The following TBC1D8B variants were observed in gnomAD, a reference collection of about 807,000 sequenced individuals.
TBC1D8B encodes the protein RP11-321G1.1.
A neutral mutation model predicts 82.9 loss-of-function variants in TBC1D8B; 75 were observed. The observed-to-expected ratio is 0.90, with a 90% CI of 0.75 to 1.10. TBC1D8B has a LOEUF of 1.10. Ranked by LOEUF, TBC1D8B falls within the 50% of genes least tolerant of loss-of-function variation. The probability of loss-of-function intolerance (pLI) is 0.00; values close to 1 mark genes in which losing one functional copy is unlikely to be tolerated. For synonymous variants in TBC1D8B, 276 were observed against 276.8 expected, an observed-to-expected ratio of 1.00 and a Z score of 0.03; for missense variants, 794 against 796.9, an observed-to-expected ratio of 1.00 and a Z score of 0.04.
chrX:106,830,016 A>G (rs1023646184), intron 7 of TBC1D8B: 1 of 111,665 alleles, frequency 9.0e-6, no homozygotes, highest in Non-Finnish European at 1.9e-5. Context: ...CAACCTACAA[A>G]ATGGGAGAAA....
chrX:106,822,572 G>C (rs1375553951), intron 4 of TBC1D8B, among the ~76,000 whole-genome samples: 3 of 111,108 alleles, frequency 2.7e-5, no homozygotes, highest in Non-Finnish European at 5.7e-5. Flanking sequence ...ATCTCACTTT[G>C]TAGCTACAAA....
At chrX:106,843,339 CTTTAT>C (rs1385750317) in intron 10 of TBC1D8B, among the ~76,000 whole-genome samples, 1 of 111,541 alleles carries the variant, frequency 9.0e-6, no homozygotes, top group Non-Finnish European at 1.9e-5. Context: ...TTTTCTTTGT[CTTTAT>C]TTTATTTTAT....
chrX:106,869,406 G>C, intron 18 of TBC1D8B, 79 bp from the exon 19 acceptor site: 1 of 869,624 alleles, frequency 1.1e-6, no homozygotes, highest in South Asian at 2.4e-5. Context: ...GTGCTTATAC[G>C]TCTATATGAA....
chrX:106,856,382 G>T (rs999327102), intron 14 of TBC1D8B, among the ~76,000 whole-genome samples: 1 of 109,940 alleles, frequency 9.1e-6, no homozygotes, highest in Admixed American at 9.7e-5. Flanking sequence ...TGATATCTGG[G>T]TTTCATATCA....
chrX:106,875,102 A>G lies in TBC1D8B; in HGVS notation c.*1137A>G, dbSNP rs1932878027. On this transcript the variant is annotated 3_prime_UTR_variant, in exon 21 of 21. Transcript: ENST00000357242. ...TTTAGAGATAATGGGCTTTGTTAGC[A>G]CTTTCAAAAAAAAAAAAAGCAAACC... 1 of 110,002 alleles carries G rather than the reference A, an allele frequency of 9.1e-6. No individual in the cohort carries two copies. Among genetic ancestry groups the G allele is most frequent in the African/African-American group, 3.3e-5 (1 of 30,121 alleles). 9.1% of individuals were successfully genotyped at this position (110,002 alleles called of 1,213,427 possible). A position where few individuals can be genotyped will look rare whatever the true frequency, so the allele number is the denominator to read the frequency against.
intron 14 of TBC1D8B, among the ~76,000 whole-genome samples, chrX:106,862,766 G>GTTTTTTTTTTTTTTT (rs199693098): frequency 8.4e-5 from 3 of 35,797 alleles, no homozygotes; most frequent in Non-Finnish European, 1.1e-4. Context: ...CTTTGGATGG[G>GTTTTTTTTTTTTTTT]TTTTTTTTTG....
intron 14 of TBC1D8B, among the ~76,000 whole-genome samples, chrX:106,862,822 C>A (rs1247129722): frequency 6.9e-5 from 5 of 71,988 alleles, no homozygotes; most frequent in African/African-American, 2.7e-4. Flanking sequence ...TTCTTTGATG[C>A]CCTTGGGGGT....
intron 15 of TBC1D8B, 55 bp from the exon 16 acceptor site, chrX:106,865,737 CT>C (rs1442577206): frequency 4.5e-6 from 5 of 1,115,612 alleles, no homozygotes; most frequent in Non-Finnish European, 6.0e-6. Flanking sequence ...TTTTTAAAAT[CT>C]TCCAAAATTA....
intron 1 of TBC1D8B, chrX:106,814,395 A>G (rs778553193): frequency 5.7e-4 from 61 of 106,663 alleles, no homozygotes; most frequent in South Asian, 2.3e-3. Context: ...TTATGGCTGC[A>G]TAGTATTCCA....
chrX:106,852,057 C>T (rs1273825537), intron 12 of TBC1D8B, among the ~76,000 whole-genome samples: 4 of 109,097 alleles, frequency 3.7e-5, no homozygotes, highest in Non-Finnish European at 7.6e-5. Context: ...CCTATTTCTC[C>T]ACATCCTCTC....
chrX:106,856,162 A>G (rs1347509000), intron 14 of TBC1D8B, among the ~76,000 whole-genome samples: 1 of 112,314 alleles, frequency 8.9e-6, no homozygotes, highest in Non-Finnish European at 1.9e-5. Context: ...TTAATTGCCT[A>G]TTCATAGCCT....
At chrX:106,849,788 G>T in intron 11 of TBC1D8B, 2 of 926,000 alleles carry the variant, frequency 2.2e-6, no homozygotes, top group Non-Finnish European at 2.7e-6. Flanking sequence ...ACCTAGTACA[G>T]GTCTCTGCAT....
Position 106,840,106 on chromosome X carries a change from G to C in TBC1D8B, c.1412G>C (p.Gly471Ala). Residue 471 changes from glycine (G) to alanine (A), a missense_variant, in exon 9 of 21, where the codon GGT becomes GCT. By Grantham distance (60) the Gly-to-Ala change is moderately conservative (BLOSUM62 0). Coordinates refer to ENST00000357242, the MANE Select transcript of TBC1D8B (RefSeq NM_017752.3). The part of the protein sequence containing the change: ...WKILFAECGR[G>A]VSMFRTKKTR... ...ATACTGTTTGCAGAATGTGGACGTG[G>C]TGTTAGTATGTTTCGAACCAAAAAG... 8.3e-7 allele frequency: 1 copy of C among 1,209,708 alleles called. No homozygotes were observed. The highest frequency in any genetic ancestry group is 1.1e-6 in the Non-Finnish European group (1 of 893,991).
intron 1 of TBC1D8B, among the ~76,000 whole-genome samples, chrX:106,812,409 C>T (rs1467656190): frequency 8.9e-6 from 1 of 111,811 alleles, no homozygotes; most frequent in East Asian, 2.8e-4. Context: ...TGTAAGTTTC[C>T]AGTAATCATT....
In TBC1D8B at chrX:106,874,015, T is replaced by A. The variant is rs1431516886; in HGVS notation, c.*50T>A. On this transcript the variant is annotated 3_prime_UTR_variant, in exon 21 of 21. Coordinates refer to ENST00000357242, the MANE Select transcript of TBC1D8B (RefSeq NM_017752.3). Reference sequence around the variant, plus strand: ...ACAAGTTTACTAACATTCCTGTAGCTGTCAGTTTGATTCCTGTGAGTAGGG... The same window carrying A: ...ACAAGTTTACTAACATTCCTGTAGCAGTCAGTTTGATTCCTGTGAGTAGGG... 1 of 1,124,525 alleles carries A rather than the reference T, an allele frequency of 8.9e-7. No homozygotes were observed. Among genetic ancestry groups the A allele is most frequent in the Non-Finnish European group, 1.2e-6 (1 of 848,377 alleles). 92.7% of individuals were successfully genotyped at this position (1,124,525 alleles called of 1,213,427 possible).
intron 20 of TBC1D8B, 70 bp downstream of exon 20, chrX:106,870,883 A>G: frequency 1.5e-6 from 1 of 649,614 alleles, no homozygotes; most frequent in East Asian, 3.6e-5. Context: ...AACCTCTAAA[A>G]TAGCTAACAT....
intron 1 of TBC1D8B, among the ~76,000 whole-genome samples, chrX:106,811,216 G>C (rs1420424653): frequency 9.0e-6 from 1 of 111,128 alleles, no homozygotes; most frequent in Non-Finnish European, 1.9e-5. Context: ...ACACTATAAA[G>C]AACTGAAGTT....
intron 1 of TBC1D8B, among the ~76,000 whole-genome samples, chrX:106,805,725 G>T (rs773420975): frequency 5.4e-5 from 6 of 111,976 alleles, no homozygotes; most frequent in Non-Finnish European, 1.1e-4. Flanking sequence ...TTGGTCCAGA[G>T]CATAAGTGTG....
chrX:106,803,717 TC>T (rs1390922507), intron 1 of TBC1D8B, among the ~76,000 whole-genome samples: 1 of 111,830 alleles, frequency 8.9e-6, no homozygotes, highest in African/African-American at 3.3e-5. Flanking sequence ...GTTTAACTCT[TC>T]CTGTCTAACC....
Sources: gnomAD v4.1 joint callset for allele counts (sites outside exome capture counted in the v4.1 genomes callset) on GRCh38, gnomAD v4.1.1 for gene constraint, MANE v1.5 for transcripts, NCBI Gene and HGNC (gene_info 2026-07-23, HGNC 2026-07-21) for gene names.